Variants in STX12 observed in about 807,000 individuals in gnomAD.
STX12 encodes the protein syntaxin 12, also known as syntaxin-12.
A neutral mutation model predicts 42.2 loss-of-function variants in STX12; 17 were observed. The ratio of observed to expected loss-of-function variants is 0.40; its 90% CI spans 0.28 to 0.60. The LOEUF is 0.60. Ranked by LOEUF, STX12 falls within the 20% of genes least tolerant of loss-of-function variation. STX12 has a pLI of 0.39. For missense variants in STX12, 297 were observed against 330.9 expected, an observed-to-expected ratio of 0.90 and a Z score of 0.79; for synonymous variants, 108 against 116.7, an observed-to-expected ratio of 0.93 and a Z score of 0.48.
chr1:27,812,645 T>A (rs188529681), intron 6 of STX12, among the ~76,000 whole-genome samples: 1 of 152,096 alleles, frequency 6.6e-6, no homozygotes, highest in East Asian at 1.9e-4. Flanking sequence ...TTCTCCATGT[T>A]GGTCAGGCTG....
chr1:27,777,444 C>G (rs1396612541), intron 1 of STX12, among the ~76,000 whole-genome samples: 1 of 152,132 alleles, frequency 6.6e-6, no homozygotes, highest in Non-Finnish European at 1.5e-5. Flanking sequence ...AACCAGGGAT[C>G]ACATTATATA....
chr1:27,805,013 A>C (rs1239772068), intron 4 of STX12, among the ~76,000 whole-genome samples: 4 of 152,258 alleles, frequency 2.6e-5, no homozygotes, highest in Admixed American at 2.6e-4. Flanking sequence ...GAGAAGGGGA[A>C]AGCCCCTTAT....
chr1:27,800,207 A>C (rs537356005), intron 3 of STX12, among the ~76,000 whole-genome samples: 2 of 152,136 alleles, frequency 1.3e-5, no homozygotes, highest in African/African-American at 4.8e-5. Flanking sequence ...TGCTCACACT[A>C]TTCTCTTGCT....
At position 27,823,163 on chromosome 1, in the gene STX12, TG is replaced by T. The variant is rs1470226587; in HGVS notation, c.*835del. ...GTTGGGAATGATTTAATCTTGTTGT[TG>T]TTGTTGTTGTTGTTCACTTGTGGTT... On this transcript the variant is annotated 3_prime_UTR_variant, in exon 9 of 9. Coordinates refer to ENST00000373943, the MANE Select transcript of STX12 (RefSeq NM_177424.3). 6.6e-6 allele frequency: 1 copy of T among 152,220 alleles called. No individual in the cohort carries two copies. Among genetic ancestry groups the T allele is most frequent in the African/African-American group, 2.4e-5 (1 of 41,454 alleles). 9.4% of individuals were successfully genotyped at this position (152,220 alleles called of 1,614,324 possible).
intron 1 of STX12, among the ~76,000 whole-genome samples, chr1:27,786,157 T>G (rs575758689): frequency 7.2e-5 from 11 of 152,330 alleles, no homozygotes; most frequent in African/African-American, 2.6e-4. Context: ...CTCATAATTG[T>G]TTGCAAGGCC....
chr1:27,801,208 G>A (rs180920183), intron 3 of STX12, among the ~76,000 whole-genome samples: 26 of 152,168 alleles, frequency 1.7e-4, no homozygotes, highest in African/African-American at 3.9e-4. Flanking sequence ...ACAATAGCCC[G>A]GCCAACATGG....
chr1:27,792,134 ATGTATATATCTATATATGTG>A (rs1327072478), intron 2 of STX12, among the ~76,000 whole-genome samples: 2,082 of 135,894 alleles, frequency 0.015, 204 homozygotes, highest in African/African-American at 0.058. Flanking sequence ...ATATCTATAT[ATGTATATATCTATATATGTG>A]TATCTATATA....
chr1:27,787,550 T>C (rs1181216274), intron 1 of STX12, among the ~76,000 whole-genome samples: 1 of 151,920 alleles, frequency 6.6e-6, no homozygotes, highest in South Asian at 2.1e-4. Flanking sequence ...TCCCAGCTAC[T>C]CGGGAGGCTG....
chr1:27,786,788 G>A (rs1256398300), intron 1 of STX12, among the ~76,000 whole-genome samples: 1 of 152,224 alleles, frequency 6.6e-6, no homozygotes, highest in Non-Finnish European at 1.5e-5. Flanking sequence ...CCAGTGTCTA[G>A]TACCTCATAG....
At chr1:27,785,043 T>C (rs2088690698) in intron 1 of STX12, among the ~76,000 whole-genome samples, 1 of 152,204 alleles carries the variant, frequency 6.6e-6, no homozygotes, top group African/African-American at 2.4e-5. Flanking sequence ...TTTTTCATAT[T>C]CTATAAAATT....
chr1:27,788,342 C>T lies in STX12; in HGVS notation c.119-1220C>T, dbSNP rs566259919. 3.3e-5 allele frequency among the ~76,000 whole-genome samples: 5 copies of T among 152,228 alleles called. No homozygotes were observed. In the East Asian group the frequency reaches 7.7e-4, roughly 24 times the overall value. On this transcript the variant is annotated intron_variant, in intron 1 of 8. Transcript: ENST00000373943. ...AGCAAGGCATAAAATAAATGAAGGG[C>T]TCTATTGTTGCAGAAATCAGTAAGG...
At chr1:27,807,748 G>C (rs2088873059) in intron 4 of STX12, among the ~76,000 whole-genome samples, 1 of 152,212 alleles carries the variant, frequency 6.6e-6, no homozygotes, top group African/African-American at 2.4e-5. Flanking sequence ...GTGCATAGCA[G>C]CATTGTTTGT....
At chr1:27,814,574 C>T (rs559761571) in intron 6 of STX12, among the ~76,000 whole-genome samples, 17 of 151,024 alleles carry the variant, frequency 1.1e-4, no homozygotes, top group African/African-American at 3.2e-4. Flanking sequence ...ACTAGCCGGG[C>T]GCGGTGGCTC....
chr1:27,807,225 A>G (rs1395831837), intron 4 of STX12, among the ~76,000 whole-genome samples: 1 of 152,080 alleles, frequency 6.6e-6, no homozygotes, highest in Non-Finnish European at 1.5e-5. Context: ...ATACTCTTTT[A>G]GTTATTTTTG....
chr1:27,784,697 A>T (rs1175231357), intron 1 of STX12, among the ~76,000 whole-genome samples: 1 of 152,188 alleles, frequency 6.6e-6, no homozygotes, highest in African/African-American at 2.4e-5. Flanking sequence ...ATAGAGGGCA[A>T]TATACAAAAA....
intron 7 of STX12, 79 bp from the exon 8 acceptor site, chr1:27,819,571 G>A: frequency 7.9e-7 from 1 of 1,270,654 alleles, no homozygotes; most frequent in Non-Finnish European, 1.1e-6. Context: ...ACCAGGACAT[G>A]TAACATCAGA....
intron 3 of STX12, among the ~76,000 whole-genome samples, chr1:27,797,015 T>C (rs1374482550): frequency 6.6e-6 from 1 of 151,800 alleles, no homozygotes; most frequent in Non-Finnish European, 1.5e-5. Context: ...ATAAAGAGTT[T>C]TTATTCACTT....
At chr1:27,786,400 T>C (rs1032335007) in intron 1 of STX12, among the ~76,000 whole-genome samples, 4 of 152,192 alleles carry the variant, frequency 2.6e-5, no homozygotes, top group African/African-American at 9.7e-5. Context: ...GACCACTCTA[T>C]ATAACTAGTA....
At chr1:27,798,652 A>G (rs1453307799) in intron 3 of STX12, among the ~76,000 whole-genome samples, 1 of 148,594 alleles carries the variant, frequency 6.7e-6, no homozygotes, top group African/African-American at 2.5e-5. Flanking sequence ...CTCAAAAAAA[A>G]AAAAAAAAAA....
Sources: gnomAD v4.1 joint callset for allele counts (sites outside exome capture counted in the v4.1 genomes callset) on GRCh38, gnomAD v4.1.1 for gene constraint, MANE v1.5 for transcripts, NCBI Gene and HGNC (gene_info 2026-07-23, HGNC 2026-07-21) for gene names.